Variants in THSD7B observed in about 807,000 individuals in gnomAD.
THSD7B encodes the protein thrombospondin type-1 domain-containing protein 7B.
THSD7B carries 138 observed loss-of-function variants against 213.6 expected under a neutral mutation model. That is an observed-to-expected ratio of 0.65 (90% CI 0.56 to 0.74). The LOEUF is 0.74. THSD7B is among the 30% of genes least tolerant of loss of function. THSD7B has a pLI of 0.00. For synonymous variants in THSD7B, 742 were observed against 687.0 expected, an observed-to-expected ratio of 1.08 and a Z score of -1.25; for missense variants, 1,931 against 1,991.5, an observed-to-expected ratio of 0.97 and a Z score of 0.58.
At chr2:137,287,318 T>C (rs944123946) in intron 12 of THSD7B, among the ~76,000 whole-genome samples, 4 of 152,136 alleles carry the variant, frequency 2.6e-5, no homozygotes, top group African/African-American at 9.7e-5. Context: ...AGGGCAACTT[T>C]CTAAATTAAA....
At position 137,274,030 on chromosome 2, in the gene THSD7B, A is replaced by G. The variant is rs1322337702; in HGVS notation, c.2396+1368A>G. 5.3e-5 allele frequency among the ~76,000 whole-genome samples: 8 copies of G among 152,222 alleles called. No homozygotes were observed. The East Asian group carries it at 1.5e-3, about 29-fold the overall frequency. On this transcript the variant is annotated intron_variant, in intron 11 of 27. Coordinates refer to ENST00000409968, the MANE Select transcript of THSD7B (RefSeq NM_001316349.2). ...TTACTCTCCTATTGCACTTCAATTT[A>G]GCTACTTGTGTTTGAGCTAGTTTCT...
chr2:137,049,500 G>A (rs1687029559), intron 2 of THSD7B, among the ~76,000 whole-genome samples: 1 of 152,154 alleles, frequency 6.6e-6, no homozygotes, highest in Non-Finnish European at 1.5e-5. Context: ...TATGGTATTG[G>A]GAAGATGATA....
At chr2:137,550,870 G>C (rs114597697) in intron 15 of THSD7B, among the ~76,000 whole-genome samples, 1 of 152,162 alleles carries the variant, frequency 6.6e-6, no homozygotes, top group Non-Finnish European at 1.5e-5. Flanking sequence ...ATGAAAGGTA[G>C]AGTCCAGAGC....
intron 26 of THSD7B, among the ~76,000 whole-genome samples, chr2:137,666,465 G>GTT (rs1683448455): frequency 6.6e-6 from 1 of 151,910 alleles, no homozygotes; most frequent in African/African-American, 2.4e-5. Context: ...ATAATAGGTA[G>GTT]TTGTAATGTA....
intron 5 of THSD7B, among the ~76,000 whole-genome samples, chr2:137,121,942 T>C (rs2104944629): frequency 6.6e-6 from 1 of 152,248 alleles, no homozygotes; most frequent in South Asian, 2.1e-4. Context: ...GCTACGTAGC[T>C]CTGAGAGCCC....
At chr2:137,325,821 C>T (rs569889394) in intron 12 of THSD7B, among the ~76,000 whole-genome samples, 1 of 152,200 alleles carries the variant, frequency 6.6e-6, no homozygotes, top group Non-Finnish European at 1.5e-5. Context: ...GTGTCTGCTT[C>T]GCAGTGCTTC....
At chr2:137,505,585 T>C (rs1174669750) in intron 15 of THSD7B, among the ~76,000 whole-genome samples, 1 of 152,220 alleles carries the variant, frequency 6.6e-6, no homozygotes, top group Non-Finnish European at 1.5e-5. Flanking sequence ...TGGACCAACA[T>C]TCTGCGAACG....
chr2:137,478,927 C>A (rs1419293143), intron 15 of THSD7B, among the ~76,000 whole-genome samples: 2 of 152,156 alleles, frequency 1.3e-5, no homozygotes, highest in South Asian at 2.1e-4. Flanking sequence ...AGTAGGCCAA[C>A]CCTTGGACCC....
chr2:137,392,399 G>A (rs1461030537), intron 12 of THSD7B, among the ~76,000 whole-genome samples: 2 of 151,982 alleles, frequency 1.3e-5, no homozygotes, highest in African/African-American at 4.8e-5. Flanking sequence ...TGGAGTTCTA[G>A]TAATATTTAT....
chr2:137,051,033 T>C (rs1011137561), intron 2 of THSD7B, among the ~76,000 whole-genome samples: 1 of 152,212 alleles, frequency 6.6e-6, no homozygotes, highest in Non-Finnish European at 1.5e-5. Flanking sequence ...ACTTGGAAAC[T>C]CTCATCCCTT....
chr2:137,545,252 A>G (rs962335747), intron 15 of THSD7B, among the ~76,000 whole-genome samples: 4 of 151,898 alleles, frequency 2.6e-5, no homozygotes, highest in African/African-American at 7.2e-5. Context: ...TAAAGTTTCT[A>G]AAGTTCATAT....
chr2:137,363,141 G>A (rs549135229), intron 12 of THSD7B, among the ~76,000 whole-genome samples: 32 of 152,234 alleles, frequency 2.1e-4, no homozygotes, highest in African/African-American at 7.5e-4. Context: ...TGACTACTGG[G>A]TAAATAACGA....
At chr2:137,367,364 A>G (rs2375460) in intron 12 of THSD7B, among the ~76,000 whole-genome samples, 26,087 of 152,126 alleles carry the variant, frequency 0.17, 2,482 homozygotes, top group South Asian at 0.34. Flanking sequence ...GGCATGAAGC[A>G]GGTTACACAG....
At chr2:137,315,029 C>T in intron 12 of THSD7B, among the ~76,000 whole-genome samples, 1 of 152,230 alleles carries the variant, frequency 6.6e-6, no homozygotes, top group African/African-American at 2.4e-5. Flanking sequence ...CTGTGTTGGG[C>T]TCCACCCAGT....
At chr2:137,631,435 A>G (rs569825975) in intron 20 of THSD7B, among the ~76,000 whole-genome samples, 2 of 152,338 alleles carry the variant, frequency 1.3e-5, no homozygotes, top group East Asian at 1.9e-4. Context: ...AATTTAATGC[A>G]TATGAGTTTA....
intron 1 of THSD7B, among the ~76,000 whole-genome samples, chr2:136,768,620 G>A (rs995199612): frequency 6.6e-6 from 1 of 152,134 alleles, no homozygotes; most frequent in Non-Finnish European, 1.5e-5. Context: ...TATATTAGTT[G>A]ATGGGAAAAA....
intron 2 of THSD7B, among the ~76,000 whole-genome samples, chr2:136,958,845 T>C (rs892878907): frequency 6.6e-6 from 1 of 152,172 alleles, no homozygotes; most frequent in African/African-American, 2.4e-5. Flanking sequence ...CAAAGTGAGC[T>C]GAATTTCATC....
chr2:137,611,457 G>A (rs921955714), intron 17 of THSD7B, among the ~76,000 whole-genome samples: 7 of 152,076 alleles, frequency 4.6e-5, no homozygotes, highest in African/African-American at 1.7e-4. Flanking sequence ...TGATCTTGAT[G>A]AAATTGCTTA....
chr2:136,923,092 C>T (rs1010678303), intron 2 of THSD7B, among the ~76,000 whole-genome samples: 26 of 152,126 alleles, frequency 1.7e-4, no homozygotes, highest in Admixed American at 3.3e-4. Flanking sequence ...ATATTATACC[C>T]GTTAAACACT....
Sources: gnomAD v4.1 joint callset for allele counts (sites outside exome capture counted in the v4.1 genomes callset) on GRCh38, gnomAD v4.1.1 for gene constraint, MANE v1.5 for transcripts, NCBI Gene and HGNC (gene_info 2026-07-23, HGNC 2026-07-21) for gene names.